Variants in GRID2 observed in about 807,000 individuals in gnomAD.
GRID2 encodes the protein glutamate receptor ionotropic, delta-2.
Under a neutral mutation model 114.8 loss-of-function variants are expected in GRID2, and 33 were observed. The ratio of observed to expected loss-of-function variants is 0.29; its 90% confidence interval spans 0.22 to 0.38. GRID2 has a LOEUF of 0.38. GRID2 is among the 10% of genes least tolerant of loss of function. The pLI is 1.00. For synonymous variants in GRID2, 505 were observed against 449.9 expected (o/e 1.12, Z -1.55); for missense variants, 1,184 against 1,257.7 (o/e 0.94, Z 0.89).
chr4:92,958,326 G>A (rs1359253443), intron 2 of GRID2, among the ~76,000 whole-genome samples: 4 of 152,010 alleles, frequency 2.6e-5, no homozygotes, highest in African/African-American at 9.7e-5. Flanking sequence ...ATTCTTAGTT[G>A]ACTGAGAGAT....
At chr4:93,590,063 T>C (rs1738029941) in intron 13 of GRID2, among the ~76,000 whole-genome samples, 1 of 150,664 alleles carries the variant, frequency 6.6e-6, no homozygotes, top group Non-Finnish European at 1.5e-5. Flanking sequence ...TTTAATTAGA[T>C]CCCATTTGTC....
At chr4:93,315,775 T>G (rs1473033662) in intron 8 of GRID2, among the ~76,000 whole-genome samples, 1 of 152,168 alleles carries the variant, frequency 6.6e-6, no homozygotes, top group Admixed American at 6.6e-5. Context: ...TCTCCTATAC[T>G]AAGTGTTAAA....
At chr4:93,679,952 AC>A (rs1366426067) in intron 14 of GRID2, among the ~76,000 whole-genome samples, 3 of 151,152 alleles carry the variant, frequency 2.0e-5, no homozygotes, top group African/African-American at 7.4e-5. Flanking sequence ...GGAAATAGAG[AC>A]CAAAAAAACC....
At chr4:93,540,476 CT>C (rs1341143596) in intron 13 of GRID2, among the ~76,000 whole-genome samples, 8 of 151,856 alleles carry the variant, frequency 5.3e-5, no homozygotes, top group Non-Finnish European at 1.0e-4. Flanking sequence ...TGAAAAACAA[CT>C]AGGCATAAAA....
intron 1 of GRID2, among the ~76,000 whole-genome samples, chr4:92,506,310 A>T (rs572670743): frequency 6.6e-6 from 1 of 152,140 alleles, no homozygotes; most frequent in South Asian, 2.1e-4. Flanking sequence ...GGAGAGGAGA[A>T]CAACAATAGC....
intron 2 of GRID2, among the ~76,000 whole-genome samples, chr4:92,663,671 A>G (rs532673542): frequency 2.0e-4 from 30 of 151,156 alleles, no homozygotes; most frequent in Non-Finnish European, 3.4e-4. Flanking sequence ...CATCTTATCT[A>G]TTTTTAAGTG....
intron 1 of GRID2, among the ~76,000 whole-genome samples, chr4:92,414,361 C>G (rs1001577265): frequency 2.0e-5 from 3 of 152,194 alleles, no homozygotes; most frequent in East Asian, 1.9e-4. Context: ...TCGTGATTGT[C>G]TCCAGTGGCC....
intron 2 of GRID2, among the ~76,000 whole-genome samples, chr4:92,747,271 C>A (rs1737196283): frequency 6.6e-6 from 1 of 151,746 alleles, no homozygotes; most frequent in African/African-American, 2.4e-5. Flanking sequence ...TTAAAAAATT[C>A]TCATATCTAA....
intron 2 of GRID2, among the ~76,000 whole-genome samples, chr4:92,936,489 C>T (rs2149528311): frequency 6.8e-6 from 1 of 146,156 alleles, no homozygotes; most frequent in Non-Finnish European, 1.5e-5. Context: ...AAGATCAACA[C>T]ATTTCCCATT....
chr4:92,448,610 C>T (rs181047306), intron 1 of GRID2, among the ~76,000 whole-genome samples: 11 of 152,106 alleles, frequency 7.2e-5, no homozygotes, highest in Admixed American at 5.9e-4. Flanking sequence ...TAAACATTTA[C>T]ATAAATGGAA....
intron 1 of GRID2, among the ~76,000 whole-genome samples, chr4:92,449,243 C>T (rs981311166): frequency 4.6e-5 from 7 of 152,000 alleles, no homozygotes; most frequent in African/African-American, 1.7e-4. Flanking sequence ...AGAGACTCAA[C>T]ATTTTTAAGT....
chr4:93,564,322 G>C (rs1291204183), intron 13 of GRID2, among the ~76,000 whole-genome samples: 1 of 149,192 alleles, frequency 6.7e-6, no homozygotes, highest in African/African-American at 2.4e-5. Context: ...TATTTATTTT[G>C]TTTCATTTTC....
chr4:93,153,411 G>GA (rs1288457826), intron 4 of GRID2, among the ~76,000 whole-genome samples: 1 of 151,942 alleles, frequency 6.6e-6, no homozygotes, highest in Non-Finnish European at 1.5e-5. Flanking sequence ...CAGAGGACAG[G>GA]AAAAAAAGCC....
intron 2 of GRID2, among the ~76,000 whole-genome samples, chr4:92,743,957 A>G (rs952203153): frequency 6.6e-6 from 1 of 152,212 alleles, no homozygotes; most frequent in Non-Finnish European, 1.5e-5. Context: ...ACCGCTTGAT[A>G]TGATGCTCCT....
Position 92,386,735 on chromosome 4 carries a change from C to T in GRID2, c.88+81991C>T, listed in dbSNP as rs561000077. Among the ~76,000 whole-genome samples the T allele has an allele frequency of 2.3e-4, 35 of 151,798 alleles. No homozygotes were observed. The South Asian group carries it at 2.7e-3, about 12-fold the overall frequency. On this transcript the variant is annotated intron_variant, in intron 1 of 15. Transcript: ENST00000282020. ...TTCATAAGACAATATGGATTAAAAA[C>T]AAACTTCTGGCTTCATGATACTTAT...
Position 92,733,302 on chromosome 4 carries a change from C to G in GRID2, c.244+143016C>G, listed in dbSNP as rs76263947. Among the ~76,000 whole-genome samples the G allele has an allele frequency of 1.3e-4, 20 of 152,184 alleles. No individual in the cohort carries two copies. The South Asian group carries it at 3.5e-3, about 27-fold the overall frequency. On this transcript the variant is annotated intron_variant, in intron 2 of 15. Coordinates refer to ENST00000282020, the MANE Select transcript of GRID2 (RefSeq NM_001510.4). ...CTAACTTTCTGATTCTAACCTGTAA[C>G]TGATTAACTGGACCTTTAAAGCTTT... is the stretch of plus-strand genomic sequence containing the variant.
chr4:93,114,719 G>A lies in GRID2; in HGVS notation c.735+3766G>A, dbSNP rs577770023. Among the ~76,000 whole-genome samples the A allele has an allele frequency of 3.3e-4, 50 of 152,208 alleles. 1 individual carries two copies. The South Asian group carries it at 4.4e-3, about 13-fold the overall frequency. On this transcript the variant is annotated intron_variant, in intron 4 of 15. Transcript: ENST00000282020. The stretch of plus-strand genomic sequence containing the variant: ...TGGGTTCTAGGATTGTTTCTTTTGA[G>A]TAGGGAATAGGCTGACCCTATTAGT...
At chr4:93,334,913 A>G (rs543364983) in intron 8 of GRID2, among the ~76,000 whole-genome samples, 2 of 152,254 alleles carry the variant, frequency 1.3e-5, no homozygotes, top group East Asian at 3.9e-4. Flanking sequence ...CCTGGGCAAC[A>G]AGAGCAAAAC....
At chr4:92,347,073 T>C (rs1727804922) in intron 1 of GRID2, among the ~76,000 whole-genome samples, 1 of 152,218 alleles carries the variant, frequency 6.6e-6, no homozygotes, top group African/African-American at 2.4e-5. Flanking sequence ...TTTATTTCTC[T>C]CTTATTCCAG....
Sources: allele counts gnomAD v4.1 joint callset (sites outside exome capture counted in the v4.1 genomes callset), GRCh38; gene constraint gnomAD v4.1.1; transcripts MANE v1.5; gene names NCBI Gene and HGNC (gene_info 2026-07-23, HGNC 2026-07-21).